The following B3GALT1 variants were observed in gnomAD, a reference collection of about 807,000 sequenced individuals.
B3GALT1 encodes UDP-Gal:betaGlcNAc beta 1,3-galactosyltransferase, polypeptide 1.
A neutral mutation model predicts 23.2 loss-of-function variants in B3GALT1; 10 were observed. The ratio of observed to expected loss-of-function variants is 0.43; its 90% CI spans 0.27 to 0.73. The LOEUF (loss-of-function observed/expected upper bound fraction) is 0.73, where lower values mean the gene tolerates loss of function less well. B3GALT1 is among the 30% of genes least tolerant of loss of function. B3GALT1 has a pLI of 0.21. For synonymous variants in B3GALT1, 156 were observed against 141.5 expected (o/e 1.10, Z -0.73); for missense variants, 299 against 405.4 (o/e 0.74, Z 2.25).
At chr2:167,764,957 G>T (rs1382107493) in intron 3 of B3GALT1, among the ~76,000 whole-genome samples, 4 of 152,100 alleles carry the variant, frequency 2.6e-5, no homozygotes, top group African/African-American at 4.8e-5. Flanking sequence ...TTTAGGTATT[G>T]CTGGCACTCC....
At chr2:167,556,570 T>A (rs1408521158) in intron 2 of B3GALT1, among the ~76,000 whole-genome samples, 1 of 152,184 alleles carries the variant, frequency 6.6e-6, no homozygotes, top group East Asian at 1.9e-4. Context: ...AATAATGAAG[T>A]TTTATTTTGA....
intron 4 of B3GALT1, among the ~76,000 whole-genome samples, chr2:167,822,085 C>G (rs1689118875): frequency 6.6e-6 from 1 of 152,124 alleles, no homozygotes; most frequent in Non-Finnish European, 1.5e-5. Context: ...AGTGGCAGAC[C>G]AAGGAAGAGG....
chr2:167,668,636 G>T lies in B3GALT1; in HGVS notation c.-352+21670G>T, dbSNP rs570257409. Among the ~76,000 whole-genome samples the T allele has an allele frequency of 2.6e-5, 4 of 152,298 alleles. No individual in the cohort carries two copies. In the East Asian group the frequency reaches 7.7e-4, roughly 29 times the overall value. On this transcript the variant is annotated intron_variant, in intron 3 of 4. Coordinates refer to ENST00000392690, the MANE Select transcript of B3GALT1 (RefSeq NM_020981.4). ...GCTTAGGACCCTCCAAGCCATGTGG[G>T]GGATATAATCTCCTGGTGCGCCGTT...
intron 1 of B3GALT1, among the ~76,000 whole-genome samples, chr2:167,298,157 G>C (rs574580809): frequency 1.3e-5 from 2 of 152,250 alleles, no homozygotes; most frequent in South Asian, 2.1e-4. Context: ...GTTAATGAGA[G>C]CTAAGCAGAA....
At chr2:167,325,284 G>A (rs1696875661) in intron 1 of B3GALT1, among the ~76,000 whole-genome samples, 1 of 151,990 alleles carries the variant, frequency 6.6e-6, no homozygotes, top group South Asian at 2.1e-4. Context: ...CTGAGACTAG[G>A]TAATTTATAA....
intron 2 of B3GALT1, among the ~76,000 whole-genome samples, chr2:167,506,859 T>C: frequency 6.6e-6 from 1 of 152,168 alleles, no homozygotes; most frequent in Middle Eastern, 3.2e-3. Context: ...TGGTATACAT[T>C]GCAAACATCA....
rs548610082 is a variant in B3GALT1, at chr2:167,467,734, A to G, written c.-510-22443A>G. ...AGGAAAAAATCAATCAATCAAGCAAATTAATTCAACACACCCTTTATGAGC... is the reference window on the plus strand; with the variant it reads ...AGGAAAAAATCAATCAATCAAGCAAGTTAATTCAACACACCCTTTATGAGC... On this transcript the variant is annotated intron_variant, in intron 1 of 4. Transcript: ENST00000392690. 5.3e-5 allele frequency among the ~76,000 whole-genome samples: 8 copies of G among 152,328 alleles called. No individual in the cohort carries two copies. In the East Asian group the frequency reaches 5.8e-4, roughly 11 times the overall value.
intron 1 of B3GALT1, among the ~76,000 whole-genome samples, chr2:167,312,310 T>TA (rs1339090088): frequency 6.6e-6 from 1 of 151,836 alleles, no homozygotes; most frequent in African/African-American, 2.4e-5. Flanking sequence ...ATGGAGAGAA[T>TA]AAAAAACAAA....
chr2:167,447,077 A>G (rs1038703503), intron 1 of B3GALT1, among the ~76,000 whole-genome samples: 3 of 152,260 alleles, frequency 2.0e-5, no homozygotes, highest in East Asian at 3.9e-4. Flanking sequence ...TTTTCCTTCT[A>G]ACAGTCAGGA....
intron 4 of B3GALT1, among the ~76,000 whole-genome samples, chr2:167,865,579 C>T (rs1690196216): frequency 6.6e-6 from 1 of 152,158 alleles, no homozygotes; most frequent in Non-Finnish European, 1.5e-5. Context: ...ATCACAAGAT[C>T]AGGAGATCGA....
At chr2:167,344,274 A>G (rs565212510) in intron 1 of B3GALT1, among the ~76,000 whole-genome samples, 3 of 152,272 alleles carry the variant, frequency 2.0e-5, no homozygotes, top group African/African-American at 7.2e-5. Context: ...CTCGCCCCCA[A>G]AACAAACTCA....
At chr2:167,355,202 T>G (rs903957620) in intron 1 of B3GALT1, among the ~76,000 whole-genome samples, 1 of 152,252 alleles carries the variant, frequency 6.6e-6, no homozygotes, top group Non-Finnish European at 1.5e-5. Flanking sequence ...AGGATGATGA[T>G]GCATTTCCAG....
chr2:167,557,906 A>G (rs1256318164), intron 2 of B3GALT1, among the ~76,000 whole-genome samples: 1 of 152,172 alleles, frequency 6.6e-6, no homozygotes, highest in African/African-American at 2.4e-5. Context: ...ACCTTTGCAA[A>G]CTGTGAGATT....
chr2:167,844,264 T>C (rs772506330), intron 4 of B3GALT1, among the ~76,000 whole-genome samples: 1 of 152,146 alleles, frequency 6.6e-6, no homozygotes, highest in Non-Finnish European at 1.5e-5. Flanking sequence ...CAGGACTGGA[T>C]TGCAGCTCCA....
chr2:167,506,655 G>C (rs78430062), intron 2 of B3GALT1, among the ~76,000 whole-genome samples: 1 of 152,074 alleles, frequency 6.6e-6, no homozygotes. Context: ...AATTTACAAG[G>C]GCCTTATATT....
rs1690384743 is a variant in B3GALT1 at position 167,873,154 on chromosome 2, C to G, written c.*3134C>G. On this transcript the variant is annotated 3_prime_UTR_variant, in exon 5 of 5. Transcript: ENST00000392690. ...AGTATTCTACCAAGAGTCTCTCAGA[C>G]AATTTTTACAAAAACTCTTTTTTTC... The G allele has an allele frequency of 6.9e-6, 1 of 145,918 alleles. No homozygotes were observed. The highest frequency in any genetic ancestry group is 1.5e-5 in the Non-Finnish European group (1 of 67,904). The allele number at this position is 145,918 out of a possible 1,614,324, so 9.0% of individuals were successfully genotyped here. A position where few individuals can be genotyped will look rare whatever the true frequency, so the allele number is the denominator to read the frequency against.
chr2:167,606,647 A>AT (rs5836150), intron 2 of B3GALT1, among the ~76,000 whole-genome samples: 114,003 of 152,034 alleles, frequency 0.75, 43,283 homozygotes, highest in Admixed American at 0.84. Flanking sequence ...TTTGAAACTC[A>AT]TTTGTAAGTA....
At chr2:167,506,717 G>T (rs188586243) in intron 2 of B3GALT1, among the ~76,000 whole-genome samples, 25 of 152,310 alleles carry the variant, frequency 1.6e-4, no homozygotes, top group African/African-American at 5.8e-4. Context: ...TAAGTAGCAT[G>T]TGGCATAATA....
chr2:167,361,212 GTTTTTT>G (rs66780629), intron 1 of B3GALT1, among the ~76,000 whole-genome samples: 1 of 104,208 alleles, frequency 9.6e-6, no homozygotes, highest in Non-Finnish European at 2.0e-5. Flanking sequence ...TCCCCCACTA[GTTTTTT>G]TTTTTTTTTT....
Sources: gnomAD v4.1 joint callset for allele counts (sites outside exome capture counted in the v4.1 genomes callset) on GRCh38, gnomAD v4.1.1 for gene constraint, MANE v1.5 for transcripts, NCBI Gene and HGNC (gene_info 2026-07-23, HGNC 2026-07-21) for gene names.